The following UTS2B variants were observed in gnomAD, a reference collection of about 807,000 sequenced individuals.
The protein encoded by UTS2B is urotensin 2B, also known as urotensin-2B.
Under a neutral mutation model 19.2 loss-of-function variants are expected in UTS2B, and 21 were observed. The ratio of observed to expected loss-of-function variants is 1.09; its 90% CI spans 0.78 to 1.58. The LOEUF (loss-of-function observed/expected upper bound fraction) is 1.58. Among genes scored for constraint, UTS2B ranks in the 40% most tolerant of loss-of-function variants. The pLI, the probability that UTS2B is intolerant of heterozygous loss-of-function variation, is 0.00. For synonymous variants in UTS2B, 57 were observed against 50.2 expected, an observed-to-expected ratio of 1.14 and a Z score of -0.58; for missense variants, 138 against 130.3, an observed-to-expected ratio of 1.06 and a Z score of -0.29.
intron 4 of UTS2B, among the ~76,000 whole-genome samples, chr3:191,296,969 A>G (rs1716872746): frequency 6.6e-6 from 1 of 152,202 alleles, no homozygotes; most frequent in Non-Finnish European, 1.5e-5. Context: ...TGAACACCTC[A>G]ATGCATTCAT....
Position 191,291,850 on chromosome 3 carries a change from C to T in UTS2B, c.-124-9537G>A, listed in dbSNP as rs527265280. The stretch of plus-strand genomic sequence containing the variant: ...ATGTGGATATCTAGTTGTCTCACCA[C>T]ATTTGTTTAGAAGATAATTCTTTCC... On this transcript the variant is annotated intron_variant, in intron 4 of 8. Coordinates refer to ENST00000340524, the MANE Select transcript of UTS2B (RefSeq NM_198152.5). 9.7e-4 allele frequency among the ~76,000 whole-genome samples: 148 copies of T among 152,172 alleles called. 1 individual carries two copies. Among genetic ancestry groups the T allele is most frequent in the Admixed American group, 1.6e-3 (25 of 15,284 alleles).
At chr3:191,294,226 T>C (rs987571308) in intron 4 of UTS2B, among the ~76,000 whole-genome samples, 3 of 151,942 alleles carry the variant, frequency 2.0e-5, no homozygotes, top group Non-Finnish European at 4.4e-5. Context: ...TATCACATGA[T>C]GGAAAATAAA....
intron 4 of UTS2B, among the ~76,000 whole-genome samples, chr3:191,299,688 A>G (rs1319813363): frequency 6.6e-6 from 1 of 152,262 alleles, no homozygotes; most frequent in African/African-American, 2.4e-5. Context: ...GAACCCCCAC[A>G]CAGAGTCCCC....
intron 2 of UTS2B, among the ~76,000 whole-genome samples, chr3:191,321,396 G>A (rs1190933135): frequency 2.1e-4 from 32 of 152,198 alleles, no homozygotes; most frequent in Admixed American, 2.0e-3. Flanking sequence ...TTTAATGAAT[G>A]CAAGAAATAG....
At chr3:191,321,147 A>G (rs1282237649) in intron 2 of UTS2B, among the ~76,000 whole-genome samples, 1 of 152,158 alleles carries the variant, frequency 6.6e-6, no homozygotes, top group Non-Finnish European at 1.5e-5. Flanking sequence ...ATGTTTGGAA[A>G]ATGGGGGCAG....
At chr3:191,329,026 A>T (rs1717833930) in intron 1 of UTS2B, 1 of 152,328 alleles carries the variant, frequency 6.6e-6, no homozygotes, top group Non-Finnish European at 1.5e-5. Context: ...TGCAGTAAAC[A>T]TCCTGTGTTA....
chr3:191,315,016 T>C (rs1363462449), intron 3 of UTS2B, among the ~76,000 whole-genome samples: 1 of 151,084 alleles, frequency 6.6e-6, no homozygotes, highest in Non-Finnish European at 1.5e-5. Flanking sequence ...CCCTAGAATT[T>C]TTTTTTTTTT....
chr3:191,298,137 G>T (rs6776537), intron 4 of UTS2B, among the ~76,000 whole-genome samples: 132 of 152,228 alleles, frequency 8.7e-4, no homozygotes, highest in African/African-American at 3.1e-3. Context: ...GGGAAAAAAG[G>T]TAAGCCAAGA....
intron 3 of UTS2B, among the ~76,000 whole-genome samples, chr3:191,307,362 C>A (rs1206629336): frequency 6.6e-6 from 1 of 151,768 alleles, no homozygotes; most frequent in Non-Finnish European, 1.5e-5. Context: ...TAGCTTGAGA[C>A]CTTTAGAAAA....
At chr3:191,300,534 A>C (rs1308266394) in intron 4 of UTS2B, among the ~76,000 whole-genome samples, 2 of 152,230 alleles carry the variant, frequency 1.3e-5, no homozygotes, top group Non-Finnish European at 2.9e-5. Context: ...GGAATGAGTT[A>C]AGACTTGGGG....
chr3:191,313,283 C>T (rs1052736302), intron 3 of UTS2B, among the ~76,000 whole-genome samples: 2 of 152,202 alleles, frequency 1.3e-5, no homozygotes, highest in African/African-American at 2.4e-5. Context: ...ATGTGAGCCA[C>T]AGCACCCAGC....
chr3:191,329,670 C>T (rs369650091), intron 1 of UTS2B: 7 of 1,608,692 alleles, frequency 4.4e-6, no homozygotes, highest in Non-Finnish European at 5.9e-6. Flanking sequence ...GGACCCTGGC[C>T]CGGTATGGCT....
At chr3:191,313,719 A>G (rs1038400959) in intron 3 of UTS2B, among the ~76,000 whole-genome samples, 3 of 138,362 alleles carry the variant, frequency 2.2e-5, no homozygotes, top group Admixed American at 7.4e-5. Context: ...GCATTCCTCC[A>G]CTTTCCTTTT....
chr3:191,294,919 T>C (rs577412723), intron 4 of UTS2B, among the ~76,000 whole-genome samples: 1 of 151,944 alleles, frequency 6.6e-6, no homozygotes, highest in East Asian at 1.9e-4. Flanking sequence ...TAGTCCCAGC[T>C]ACTCAGGAGG....
At chr3:191,329,329 CT>C in intron 1 of UTS2B, 1 of 269,544 alleles carries the variant, frequency 3.7e-6, no homozygotes, top group East Asian at 8.1e-5. Flanking sequence ...GCAGCTCCCC[CT>C]CCCCCAGCCG....
At chr3:191,278,225 T>C in intron 5 of UTS2B, 55 bp from the exon 6 acceptor site, 1 of 965,048 alleles carries the variant, frequency 1.0e-6, no homozygotes, top group Non-Finnish European at 1.5e-6. Context: ...ATATTTCTAA[T>C]TAAATTGGTC....
the UTS2B span, among the ~76,000 whole-genome samples, chr3:191,338,807 G>A: frequency 6.6e-6 from 1 of 152,194 alleles, no homozygotes; most frequent in Non-Finnish European, 1.5e-5. Context: ...AACACCTGAA[G>A]TCAGAGTGGT....
chr3:191,297,039 T>G (rs566609919), intron 4 of UTS2B, among the ~76,000 whole-genome samples: 1 of 152,268 alleles, frequency 6.6e-6, no homozygotes, highest in South Asian at 2.1e-4. Flanking sequence ...TCAACATCTG[T>G]GAGAAAGAAA....
chr3:191,316,965 G>A (rs565213648), intron 2 of UTS2B, among the ~76,000 whole-genome samples: 2 of 152,352 alleles, frequency 1.3e-5, no homozygotes, highest in African/African-American at 4.8e-5. Context: ...CGGATCCCAC[G>A]CCGGGGCTGC....
Sources: allele counts gnomAD v4.1 joint callset (sites outside exome capture counted in the v4.1 genomes callset), GRCh38; gene constraint gnomAD v4.1.1; transcripts MANE v1.5; gene names NCBI Gene and HGNC (gene_info 2026-07-23, HGNC 2026-07-21).